The following PRKAG2 variants were observed in gnomAD, a reference collection of about 807,000 sequenced individuals.
The protein encoded by PRKAG2 is protein kinase AMP-activated non-catalytic subunit gamma 2.
A neutral mutation model predicts 69.6 loss-of-function variants in PRKAG2; 26 were observed. The ratio of observed to expected loss-of-function variants is 0.37; its 90% CI spans 0.27 to 0.52. The LOEUF (loss-of-function observed/expected upper bound fraction) is 0.52. Ranked by LOEUF, PRKAG2 falls within the 20% of genes least tolerant of loss-of-function variation. The pLI is 0.90. For synonymous variants in PRKAG2, 293 were observed against 285.0 expected, an observed-to-expected ratio of 1.03 and a Z score of -0.28; for missense variants, 557 against 740.0, an observed-to-expected ratio of 0.75 and a Z score of 2.87.
At chr7:151,692,525 TAC>T (rs1835845337) in intron 3 of PRKAG2, among the ~76,000 whole-genome samples, 1 of 152,170 alleles carries the variant, frequency 6.6e-6, no homozygotes, top group Non-Finnish European at 1.5e-5. Flanking sequence ...TGGTGCTGAT[TAC>T]ACAACTGCAG....
intron 3 of PRKAG2, among the ~76,000 whole-genome samples, chr7:151,732,048 G>T (rs1255529629): frequency 6.6e-6 from 1 of 151,322 alleles, no homozygotes; most frequent in Non-Finnish European, 1.5e-5. Flanking sequence ...GCCCAAGTTG[G>T]TCTCAAACTC....
intron 5 of PRKAG2, among the ~76,000 whole-genome samples, chr7:151,606,932 T>C (rs958036473): frequency 1.3e-5 from 2 of 152,246 alleles, no homozygotes; most frequent in African/African-American, 4.8e-5. Context: ...GCTCCCTTCT[T>C]GCTTTTGATA....
intron 3 of PRKAG2, among the ~76,000 whole-genome samples, chr7:151,688,694 C>G (rs1835152414): frequency 6.6e-6 from 1 of 152,206 alleles, no homozygotes. Flanking sequence ...ATTATTCTAG[C>G]TCTTGAGGAA....
chr7:151,559,179 C>T, intron 15 of PRKAG2: 2 of 981,874 alleles, frequency 2.0e-6, no homozygotes, highest in Non-Finnish European at 2.4e-6. Flanking sequence ...CTGGCTCCCT[C>T]TGTTCAATGT....
intron 3 of PRKAG2, among the ~76,000 whole-genome samples, chr7:151,698,656 A>G (rs1317598505): frequency 6.6e-6 from 1 of 152,152 alleles, no homozygotes; most frequent in Non-Finnish European, 1.5e-5. Flanking sequence ...CCAGGAGCAG[A>G]CACCAGCACC....
chr7:151,827,823 C>T (rs915046825), intron 1 of PRKAG2, among the ~76,000 whole-genome samples: 13 of 147,606 alleles, frequency 8.8e-5, no homozygotes, highest in Admixed American at 4.1e-4. Flanking sequence ...CCAGAGCCTA[C>T]GTGCCTCCAA....
At chr7:151,575,189 T>C (rs1222505724) in intron 7 of PRKAG2, among the ~76,000 whole-genome samples, 2 of 152,192 alleles carry the variant, frequency 1.3e-5, no homozygotes. Context: ...ACCAGAGAAT[T>C]TGGCAAATCA....
intron 4 of PRKAG2, among the ~76,000 whole-genome samples, chr7:151,660,625 A>AT (rs1442444541): frequency 1.3e-5 from 2 of 152,232 alleles, no homozygotes; most frequent in Non-Finnish European, 1.5e-5. Context: ...AAAAGATGAC[A>AT]TTCCTCCAAC....
intron 5 of PRKAG2, among the ~76,000 whole-genome samples, chr7:151,596,217 G>A (rs990232416): frequency 6.6e-6 from 1 of 151,980 alleles, no homozygotes; most frequent in Non-Finnish European, 1.5e-5. Flanking sequence ...CTTATATATG[G>A]AAAACCCTAA....
chr7:151,674,950 T>C (rs886473283), intron 4 of PRKAG2: 3 of 184,414 alleles, frequency 1.6e-5, no homozygotes, highest in African/African-American at 7.1e-5. Context: ...AGACAGAGTC[T>C]GCTCTGTTAC....
At chr7:151,748,742 C>G (rs747174335) in intron 3 of PRKAG2, among the ~76,000 whole-genome samples, 26 of 152,270 alleles carry the variant, frequency 1.7e-4, no homozygotes, top group Non-Finnish European at 2.9e-4. Flanking sequence ...GGTACATTCT[C>G]AAAAACTCCC....
chr7:151,869,774 C>T (rs74745704), intron 1 of PRKAG2, among the ~76,000 whole-genome samples: 18,027 of 152,336 alleles, frequency 0.12, 1,477 homozygotes, highest in Non-Finnish European at 0.18. Context: ...TCACACCCAG[C>T]GTGCTGCAGA....
At position 151,675,408 on chromosome 7, in the gene PRKAG2, G is replaced by A. The variant is rs750011563; in HGVS notation, c.684+12C>T. 1 of 1,612,338 alleles carries A rather than the reference G, an allele frequency of 6.2e-7. No homozygotes were observed. The highest frequency in any genetic ancestry group is 8.5e-7 in the Non-Finnish European group (1 of 1,178,480). ...ACCCGGCAGCCCCACCCACAGAAGG[G>A]CCCAGACTTACGGCTTTGGAGGGAG... is the stretch of plus-strand genomic sequence containing the variant. On this transcript the variant is annotated intron_variant, in intron 4 of 15. Coordinates refer to ENST00000287878, the MANE Select transcript of PRKAG2 (RefSeq NM_016203.4).
chr7:151,608,508 T>G (rs1047657456), intron 5 of PRKAG2, among the ~76,000 whole-genome samples: 2 of 152,168 alleles, frequency 1.3e-5, no homozygotes, highest in Non-Finnish European at 2.9e-5. Flanking sequence ...CGTCCCTTGC[T>G]CTTCTCTATA....
intron 9 of PRKAG2, 121 bp from the exon 10 acceptor site, chr7:151,570,346 A>ATTTCTTTTTATTTG: frequency 2.6e-6 from 3 of 1,161,066 alleles, no homozygotes; most frequent in Non-Finnish European, 3.6e-6. Flanking sequence ...CTCAAATAAA[A>ATTTCTTTTTATTTG]AGAAATTTAA....
At chr7:151,709,318 C>T (rs1001597533) in intron 3 of PRKAG2, among the ~76,000 whole-genome samples, 6 of 150,964 alleles carry the variant, frequency 4.0e-5, no homozygotes, top group Admixed American at 1.3e-4. Flanking sequence ...CTGACAATGA[C>T]GTGTGACATT....
intron 3 of PRKAG2, among the ~76,000 whole-genome samples, chr7:151,695,094 A>T (rs1354884508): frequency 6.6e-6 from 1 of 152,258 alleles, no homozygotes; most frequent in African/African-American, 2.4e-5. Context: ...TGCCAAGGGT[A>T]ATGTGACATT....
At chr7:151,749,131 A>C (rs772853448) in intron 3 of PRKAG2, among the ~76,000 whole-genome samples, 3 of 147,914 alleles carry the variant, frequency 2.0e-5, no homozygotes, top group Non-Finnish European at 4.4e-5. Flanking sequence ...GCGGTTAAGC[A>C]AGAGAACTGG....
intron 3 of PRKAG2, among the ~76,000 whole-genome samples, chr7:151,723,220 T>C (rs1380907674): frequency 6.6e-6 from 1 of 152,120 alleles, no homozygotes; most frequent in African/African-American, 2.4e-5. Context: ...ATAAGTCCCT[T>C]TGGGGAAGAA....
Sources: allele counts gnomAD v4.1 joint callset (sites outside exome capture counted in the v4.1 genomes callset), GRCh38; gene constraint gnomAD v4.1.1; transcripts MANE v1.5; gene names NCBI Gene and HGNC (gene_info 2026-07-23, HGNC 2026-07-21).